DOK6: variants seen among roughly 807,000 people sequenced by gnomAD.
DOK6 encodes the protein docking protein 6, also known as downstream of tyrosine kinase 6.
DOK6 carries 22 observed loss-of-function variants against 44.0 expected under a neutral mutation model. That is an observed-to-expected ratio of 0.50 (90% CI 0.36 to 0.71). The LOEUF (loss-of-function observed/expected upper bound fraction) is 0.71, where lower values mean the gene tolerates loss of function less well. DOK6 is among the 30% of genes least tolerant of loss of function. DOK6 has a pLI of 0.00. For missense variants in DOK6, 340 were observed against 416.4 expected, an observed-to-expected ratio of 0.82 and a Z score of 1.60; for synonymous variants, 166 against 145.5, an observed-to-expected ratio of 1.14 and a Z score of -1.01.
chr18:69,803,102 T>A (rs1056866141), intron 7 of DOK6, among the ~76,000 whole-genome samples: 2 of 152,140 alleles, frequency 1.3e-5, no homozygotes, highest in African/African-American at 4.8e-5. Context: ...TTATATATAC[T>A]ATTTTTGTAT....
intron 1 of DOK6, among the ~76,000 whole-genome samples, chr18:69,510,855 T>A (rs527258774): frequency 1.3e-5 from 2 of 152,298 alleles, no homozygotes; most frequent in Admixed American, 1.3e-4. Context: ...ATCATCTTTG[T>A]CTTCATCTTT....
intron 2 of DOK6, among the ~76,000 whole-genome samples, chr18:69,579,884 A>C (rs533294085): frequency 1.3e-5 from 2 of 152,130 alleles, no homozygotes; most frequent in South Asian, 4.1e-4. Flanking sequence ...CAACCCCCCA[A>C]ATTGCTGGGA....
chr18:69,824,342 AC>A (rs201855282), intron 7 of DOK6, among the ~76,000 whole-genome samples: 12 of 82,158 alleles, frequency 1.5e-4, no homozygotes, highest in South Asian at 3.7e-4. Flanking sequence ...GATGGTTTTT[AC>A]AAAAAAAAAA....
chr18:69,481,469 C>T (rs894187997), intron 1 of DOK6, among the ~76,000 whole-genome samples: 10 of 151,960 alleles, frequency 6.6e-5, no homozygotes, highest in Non-Finnish European at 8.8e-5. Flanking sequence ...TGAGAACATG[C>T]GGTGTTTGGT....
intron 6 of DOK6, among the ~76,000 whole-genome samples, chr18:69,747,593 G>GCCCCCCCC (rs1356674601): frequency 2.7e-5 from 4 of 148,248 alleles, no homozygotes; most frequent in South Asian, 2.2e-4. Flanking sequence ...TTTCCGCTCC[G>GCCCCCCCC]CCCCCTCCCC....
chr18:69,691,844 T>A (rs1208319346), intron 4 of DOK6, among the ~76,000 whole-genome samples: 5 of 152,134 alleles, frequency 3.3e-5, no homozygotes, highest in Non-Finnish European at 5.9e-5. Flanking sequence ...ATAGGCTCCA[T>A]GTCTAATCAA....
intron 1 of DOK6, among the ~76,000 whole-genome samples, chr18:69,456,456 C>T (rs1208631953): frequency 6.6e-6 from 1 of 152,112 alleles, no homozygotes; most frequent in East Asian, 1.9e-4. Context: ...CAGTTGCATC[C>T]ATGTTGCTGC....
At chr18:69,780,120 G>T (rs1980216452) in intron 7 of DOK6, among the ~76,000 whole-genome samples, 1 of 152,016 alleles carries the variant, frequency 6.6e-6, no homozygotes, top group Non-Finnish European at 1.5e-5. Flanking sequence ...AAATACAAAA[G>T]AATAAAAGCA....
In DOK6 at chr18:69,642,722, A is replaced by C. The variant is rs910367358; in HGVS notation, c.290-35012A>C. On this transcript the variant is annotated intron_variant, in intron 3 of 7. Coordinates refer to ENST00000382713, the MANE Select transcript of DOK6 (RefSeq NM_152721.6). Reference sequence around the variant, plus strand: ...TAAACATCTTTCCAAGAATGTCTACATGTATCTGTTTCTCACAGCCTGACA... The same window carrying C: ...TAAACATCTTTCCAAGAATGTCTACCTGTATCTGTTTCTCACAGCCTGACA... Among the ~76,000 whole-genome samples the C allele has an allele frequency of 2.6e-5, 4 of 152,226 alleles. No homozygotes were observed. The South Asian group carries it at 6.2e-4, about 24-fold the overall frequency.
chr18:69,841,537 T>C lies in DOK6; in HGVS notation c.*154T>C. 1 of 1,011,536 alleles carries C rather than the reference T, an allele frequency of 9.9e-7. No individual in the cohort carries two copies. The highest frequency in any genetic ancestry group is 1.4e-6 in the Non-Finnish European group (1 of 730,602). The allele number at this position is 1,011,536 out of a possible 1,614,324, so 62.7% of individuals were successfully genotyped here. On this transcript the variant is annotated 3_prime_UTR_variant, in exon 8 of 8. Transcript: ENST00000382713. Reference sequence around the variant, plus strand: ...ATTGGAAGGTTAAAAACTGGAGTTCTGCTTCCTTGATTCAGTGGCTAAGTC... The same window carrying C: ...ATTGGAAGGTTAAAAACTGGAGTTCCGCTTCCTTGATTCAGTGGCTAAGTC...
At chr18:69,687,479 C>T (rs750242253) in intron 4 of DOK6, among the ~76,000 whole-genome samples, 1 of 152,080 alleles carries the variant, frequency 6.6e-6, no homozygotes, top group African/African-American at 2.4e-5. Flanking sequence ...GTCAGGAGTT[C>T]GAGACCAGCC....
chr18:69,509,887 G>T (rs138713358), intron 1 of DOK6, among the ~76,000 whole-genome samples: 18 of 152,286 alleles, frequency 1.2e-4, no homozygotes, highest in African/African-American at 4.3e-4. Flanking sequence ...TTATGCAAGA[G>T]CAAATGGATG....
intron 7 of DOK6, among the ~76,000 whole-genome samples, chr18:69,828,028 G>T (rs2145129965): frequency 6.6e-6 from 1 of 151,758 alleles, no homozygotes; most frequent in Non-Finnish European, 1.5e-5. Context: ...TCACTTTATG[G>T]TTCAGATCTC....
chr18:69,576,472 A>C (rs1483107531), intron 2 of DOK6, among the ~76,000 whole-genome samples: 2 of 152,160 alleles, frequency 1.3e-5, no homozygotes, highest in Non-Finnish European at 2.9e-5. Context: ...TTCTGAAAAA[A>C]TAAGCCAAGG....
intron 3 of DOK6, among the ~76,000 whole-genome samples, chr18:69,610,449 T>C (rs758195386): frequency 1.1e-4 from 17 of 152,192 alleles, no homozygotes; most frequent in Non-Finnish European, 2.2e-4. Flanking sequence ...ATTAGAAATA[T>C]ATGCCTATCA....
intron 7 of DOK6, among the ~76,000 whole-genome samples, chr18:69,775,766 A>G (rs971610734): frequency 6.6e-6 from 1 of 151,910 alleles, no homozygotes; most frequent in African/African-American, 2.4e-5. Flanking sequence ...TTGAGTTTTA[A>G]AAGCCCAACT....
At chr18:69,633,841 A>G (rs899999233) in intron 3 of DOK6, among the ~76,000 whole-genome samples, 8 of 152,168 alleles carry the variant, frequency 5.3e-5, no homozygotes, top group African/African-American at 1.7e-4. Context: ...TTCAACTCTA[A>G]ACAAAAAAGT....
intron 5 of DOK6, among the ~76,000 whole-genome samples, chr18:69,734,393 C>CAA (rs60831756): frequency 0.066 from 3,212 of 48,302 alleles, 237 homozygotes; most frequent in Admixed American, 0.12. Context: ...TTCATAGCAG[C>CAA]AAAAAAAAAA....
intron 1 of DOK6, among the ~76,000 whole-genome samples, chr18:69,465,275 T>G (rs1045859134): frequency 5.3e-5 from 8 of 152,082 alleles, no homozygotes; most frequent in Non-Finnish European, 8.8e-5. Context: ...CTTTTTGTAT[T>G]TATGTGATAG....
Sources: allele counts gnomAD v4.1 joint callset (sites outside exome capture counted in the v4.1 genomes callset), GRCh38; gene constraint gnomAD v4.1.1; transcripts MANE v1.5; gene names NCBI Gene and HGNC (gene_info 2026-07-23, HGNC 2026-07-21).